The following UNC5C variants were observed in gnomAD, a reference collection of about 807,000 sequenced individuals.
UNC5C encodes unc-5 netrin receptor C, also known as netrin receptor UNC5C.
A neutral mutation model predicts 99.8 loss-of-function variants in UNC5C; 47 were observed. The ratio of observed to expected loss-of-function variants is 0.47; its 90% CI spans 0.37 to 0.60. UNC5C has a LOEUF of 0.60. UNC5C is among the 20% of genes least tolerant of loss of function. The pLI is 0.00. For missense variants in UNC5C, 1,062 were observed against 1,165.9 expected (o/e 0.91, Z 1.30); for synonymous variants, 487 against 452.2 (o/e 1.08, Z -0.98).
intron 7 of UNC5C, among the ~76,000 whole-genome samples, chr4:95,222,026 CAG>C (rs1427105195): frequency 6.6e-6 from 1 of 152,126 alleles, no homozygotes; most frequent in African/African-American, 2.4e-5. Flanking sequence ...TTAAAGTTGG[CAG>C]AGTCTTGAAA....
intron 12 of UNC5C, among the ~76,000 whole-genome samples, chr4:95,200,391 T>C (rs1737608629): frequency 6.6e-6 from 1 of 152,272 alleles, no homozygotes; most frequent in Non-Finnish European, 1.5e-5. Flanking sequence ...AGGGTATAGG[T>C]CTTCAAGCAA....
chr4:95,329,551 A>C (rs1287035144), intron 2 of UNC5C, among the ~76,000 whole-genome samples: 1 of 152,160 alleles, frequency 6.6e-6, no homozygotes. Context: ...ATATTAACAA[A>C]TGTTTGGATC....
chr4:95,238,140 G>C (rs1226774026), intron 7 of UNC5C, among the ~76,000 whole-genome samples: 1 of 152,134 alleles, frequency 6.6e-6, no homozygotes, highest in Admixed American at 6.6e-5. Context: ...ATTTAAGTAT[G>C]TGACTCATAA....
At chr4:95,320,898 C>T (rs1742664011) in intron 2 of UNC5C, among the ~76,000 whole-genome samples, 2 of 152,186 alleles carry the variant, frequency 1.3e-5, no homozygotes, top group Non-Finnish European at 2.9e-5. Flanking sequence ...TACAAGTAAC[C>T]TTGCCCTAAG....
At chr4:95,330,466 A>G (rs1206097475) in intron 2 of UNC5C, among the ~76,000 whole-genome samples, 1 of 152,044 alleles carries the variant, frequency 6.6e-6, no homozygotes, top group African/African-American at 2.4e-5. Context: ...AAAATTTTTG[A>G]TAAGTATATA....
At chr4:95,465,484 T>C (rs1299501714) in intron 1 of UNC5C, among the ~76,000 whole-genome samples, 1 of 151,500 alleles carries the variant, frequency 6.6e-6, no homozygotes, top group South Asian at 2.1e-4. Flanking sequence ...TCGTGTAGGG[T>C]TCACAAAATG....
chr4:95,447,098 G>T (rs924106932), intron 1 of UNC5C, among the ~76,000 whole-genome samples: 1 of 152,128 alleles, frequency 6.6e-6, no homozygotes, highest in Non-Finnish European at 1.5e-5. Context: ...TGATCATAAT[G>T]TTGTATTTTA....
intron 14 of UNC5C, among the ~76,000 whole-genome samples, chr4:95,176,279 C>T (rs1267754355): frequency 6.6e-6 from 1 of 152,244 alleles, no homozygotes; most frequent in African/African-American, 2.4e-5. Context: ...TGTTCCATTG[C>T]TGGTGAGGAA....
At chr4:95,199,694 CTATG>C (rs1439890100) in intron 12 of UNC5C, among the ~76,000 whole-genome samples, 2 of 152,246 alleles carry the variant, frequency 1.3e-5, no homozygotes, top group African/African-American at 4.8e-5. Flanking sequence ...GAGGAGAGAA[CTATG>C]TGTGTGAATA....
chr4:95,361,363 G>A (rs1280687049), intron 1 of UNC5C, among the ~76,000 whole-genome samples: 2 of 152,118 alleles, frequency 1.3e-5, no homozygotes, highest in Non-Finnish European at 2.9e-5. Flanking sequence ...TCTTCTGCAT[G>A]CGTTCAACTC....
intron 11 of UNC5C, among the ~76,000 whole-genome samples, chr4:95,203,242 A>T (rs1333422523): frequency 6.6e-6 from 1 of 152,170 alleles, no homozygotes; most frequent in African/African-American, 2.4e-5. Context: ...AAAGAATTAG[A>T]TAAATTAAGG....
intron 14 of UNC5C, among the ~76,000 whole-genome samples, chr4:95,181,482 C>G (rs1182138807): frequency 3.9e-5 from 6 of 152,088 alleles, no homozygotes; most frequent in Non-Finnish European, 5.9e-5. Context: ...CCCCTCACCC[C>G]CCTCCAAAAT....
chr4:95,483,852 T>A (rs1253287489), intron 1 of UNC5C, among the ~76,000 whole-genome samples: 1 of 151,810 alleles, frequency 6.6e-6, no homozygotes, highest in Admixed American at 6.6e-5. Context: ...GTTCCTCCAG[T>A]TCTTGAGGAA....
At chr4:95,203,617 G>A (rs1737770210) in intron 11 of UNC5C, among the ~76,000 whole-genome samples, 1 of 152,046 alleles carries the variant, frequency 6.6e-6, no homozygotes, top group Non-Finnish European at 1.5e-5. Context: ...CCACAGGTGT[G>A]TGCAACCACA....
chr4:95,297,958 G>GT lies in UNC5C; in HGVS notation c.490+3647dup, dbSNP rs148600510. Among the ~76,000 whole-genome samples, 743 of 152,316 alleles carry GT rather than the reference G, an allele frequency of 4.9e-3. 6 individuals are homozygous for GT. Among genetic ancestry groups the GT allele is most frequent in the African/African-American group, 0.017 (712 of 41,576 alleles). ...GACTCTGATGACTCTGCTAATGGAT[G>GT]TCAGGTCATGAGTTCCTCTGCTGAA... On this transcript the variant is annotated intron_variant, in intron 3 of 15. Coordinates refer to ENST00000453304, the MANE Select transcript of UNC5C (RefSeq NM_003728.4).
chr4:95,414,320 G>A (rs1392581284), intron 1 of UNC5C, among the ~76,000 whole-genome samples: 3 of 151,948 alleles, frequency 2.0e-5, no homozygotes, highest in Admixed American at 6.6e-5. Flanking sequence ...ATTAAGCAAG[G>A]GTCCAAGGGT....
intron 1 of UNC5C, among the ~76,000 whole-genome samples, chr4:95,477,028 C>A (rs1748171012): frequency 1.3e-5 from 2 of 151,974 alleles, no homozygotes; most frequent in South Asian, 4.1e-4. Flanking sequence ...CACGTTTACA[C>A]ACAAAAGACA....
At chr4:95,320,699 C>T (rs1032481956) in intron 2 of UNC5C, among the ~76,000 whole-genome samples, 3 of 152,162 alleles carry the variant, frequency 2.0e-5, no homozygotes, top group African/African-American at 7.2e-5. Context: ...GGTCCTTGGA[C>T]TCCTGCTTCT....
chr4:95,316,847 A>T lies in UNC5C; in HGVS notation c.347-15098T>A, dbSNP rs140923648. Among the ~76,000 whole-genome samples, 55 of 152,260 alleles carry T rather than the reference A, an allele frequency of 3.6e-4. 2 individuals are homozygous for T. In the East Asian group the frequency reaches 9.7e-3, roughly 27 times the overall value. On this transcript the variant is annotated intron_variant, in intron 2 of 15. Coordinates refer to ENST00000453304, the MANE Select transcript of UNC5C (RefSeq NM_003728.4). ...TTTTTTAAAAAGTCAATCATGTAGG[A>T]GATCCTTTAGCAATACTTCAAGGTA...
Sources: allele counts gnomAD v4.1 joint callset (sites outside exome capture counted in the v4.1 genomes callset), GRCh38; gene constraint gnomAD v4.1.1; transcripts MANE v1.5; gene names NCBI Gene and HGNC (gene_info 2026-07-23, HGNC 2026-07-21).